The following EMC2 variants were observed in gnomAD, a reference collection of about 807,000 sequenced individuals.
EMC2 encodes TPR repeat protein 35.
Under a neutral mutation model 51.6 loss-of-function variants are expected in EMC2, and 37 were observed. The observed-to-expected ratio is 0.72, with a 90% CI of 0.55 to 0.94. The LOEUF is 0.94. Among genes scored for constraint, EMC2 ranks in the 40% least tolerant of loss-of-function variants. The probability of loss-of-function intolerance (pLI) is 0.00; values close to 1 mark genes in which losing one functional copy is unlikely to be tolerated. For missense variants in EMC2, 359 were observed against 350.9 expected (o/e 1.02, Z -0.18); for synonymous variants, 131 against 112.4 (o/e 1.17, Z -1.04).
intron 9 of EMC2, among the ~76,000 whole-genome samples, chr8:108,478,347 A>T (rs1372071962): frequency 6.6e-6 from 1 of 152,114 alleles, no homozygotes; most frequent in African/African-American, 2.4e-5. Flanking sequence ...TCATTTAAAT[A>T]CATTTTTAAA....
chr8:108,481,974 T>A (rs1281734536), intron 10 of EMC2, among the ~76,000 whole-genome samples: 9 of 152,232 alleles, frequency 5.9e-5, no homozygotes, highest in Admixed American at 5.2e-4. Context: ...TTGAATAAAC[T>A]ATACTGAATA....
At chr8:108,452,583 G>C (rs1427007717) in intron 3 of EMC2, among the ~76,000 whole-genome samples, 2 of 152,006 alleles carry the variant, frequency 1.3e-5, no homozygotes, top group Admixed American at 1.3e-4. Context: ...AAATAAGAAA[G>C]GTTGGCTGAT....
chr8:108,459,408 G>A (rs1326352047), intron 5 of EMC2, among the ~76,000 whole-genome samples: 1 of 152,126 alleles, frequency 6.6e-6, no homozygotes, highest in African/African-American at 2.4e-5. Context: ...AAAAGAATAA[G>A]GTGTATTGGA....
At chr8:108,473,937 G>A (rs916253434) in intron 7 of EMC2, 5 of 151,944 alleles carry the variant, frequency 3.3e-5, no homozygotes, top group Non-Finnish European at 7.4e-5. Context: ...AATAGTACTG[G>A]CTATGTATTA....
chr8:108,455,285 A>G (rs149049355), intron 4 of EMC2, among the ~76,000 whole-genome samples: 2 of 152,008 alleles, frequency 1.3e-5, no homozygotes, highest in South Asian at 4.2e-4. Flanking sequence ...GTTTGTATTG[A>G]TAATTCTTCA....
intron 3 of EMC2, among the ~76,000 whole-genome samples, chr8:108,452,746 G>A (rs1412299890): frequency 1.3e-5 from 2 of 152,120 alleles, no homozygotes; most frequent in African/African-American, 2.4e-5. Context: ...TTAAGTAGGG[G>A]CCTGACACAT....
At chr8:108,457,933 A>G (rs1329968852) in intron 5 of EMC2, among the ~76,000 whole-genome samples, 2 of 152,184 alleles carry the variant, frequency 1.3e-5, no homozygotes, top group African/African-American at 2.4e-5. Flanking sequence ...TCCACCTATG[A>G]TCCTGTAAAA....
intron 3 of EMC2, among the ~76,000 whole-genome samples, chr8:108,452,320 A>G (rs1195372000): frequency 6.6e-6 from 1 of 152,216 alleles, no homozygotes; most frequent in Non-Finnish European, 1.5e-5. Context: ...TAATCCCAGC[A>G]GTTTGGGAGG....
In EMC2 at chr8:108,453,043, T is replaced by A. The variant is rs773950045; in HGVS notation, c.220-19T>A. 6 of 1,492,396 alleles carry A rather than the reference T, an allele frequency of 4.0e-6. No homozygotes were observed. The African/African-American group carries it at 8.4e-5, about 21-fold the overall frequency. 92.4% of individuals were successfully genotyped at this position (1,492,396 alleles called of 1,614,324 possible). ...TTAGTATAAATAATGTAATTACTACTCAACCCTTATTTTTTCAGTTTTGTC... is the reference window on the plus strand; with the variant it reads ...TTAGTATAAATAATGTAATTACTACACAACCCTTATTTTTTCAGTTTTGTC... On this transcript the variant is annotated intron_variant, in intron 3 of 10. Coordinates refer to ENST00000220853, the MANE Select transcript of EMC2 (RefSeq NM_014673.5).
chr8:108,488,165 AC>A lies in EMC2; in HGVS notation c.*1568del, dbSNP rs1168676828. ...TCTTATAGCTGTCTGCCTTAGTTTCACTTTTTTTTTTTTTTTTTTGAGACAG... is the reference window on the plus strand; with the variant it reads ...TCTTATAGCTGTCTGCCTTAGTTTCATTTTTTTTTTTTTTTTTTGAGACAG... On this transcript the variant is annotated 3_prime_UTR_variant, in exon 11 of 11. Coordinates refer to ENST00000220853, the MANE Select transcript of EMC2 (RefSeq NM_014673.5). 3.7e-5 allele frequency among the ~76,000 whole-genome samples: 4 copies of A among 109,356 alleles called. No homozygotes were observed. Among genetic ancestry groups the A allele is most frequent in the African/African-American group, 1.4e-4 (4 of 28,074 alleles). 71.7% of individuals were successfully genotyped at this position (109,356 alleles called of 152,430 possible).
In EMC2 at chr8:108,475,924, T is replaced by G; in HGVS notation, c.552T>G (p.Thr184=). ...TTTGTTTAGAGGAACTAATGATGAC[T>G]AATCCACACAACCACTTATACTGTC... ...AAFCLEELMM[T]NPHNHLYCQQ... is the part of the protein sequence containing the mutation. Residue 184 remains threonine, a synonymous_variant, in exon 8 of 11, where the codon ACT becomes ACG. Coordinates refer to ENST00000220853, the MANE Select transcript of EMC2 (RefSeq NM_014673.5). The G allele has an allele frequency of 1.9e-6, 3 of 1,601,530 alleles. No individual in the cohort carries two copies. Among genetic ancestry groups the G allele is most frequent in the Non-Finnish European group, 2.6e-6 (3 of 1,173,136 alleles).
At chr8:108,481,419 C>T (rs901112558) in intron 10 of EMC2, among the ~76,000 whole-genome samples, 2 of 151,706 alleles carry the variant, frequency 1.3e-5, no homozygotes, top group African/African-American at 4.9e-5. Context: ...TGGAGTTCCA[C>T]ACAGAGTAGG....
rs1187060047 is a variant in EMC2 at position 108,487,238 on chromosome 8, C to T, written c.*640C>T. Among the ~76,000 whole-genome samples, 1 of 151,720 alleles carries T rather than the reference C, an allele frequency of 6.6e-6. No homozygotes were observed. The highest frequency in any genetic ancestry group is 2.4e-5 in the African/African-American group (1 of 41,284). ...ATTGAGATTTTTACATATAAAATGC[C>T]TTAAGATAAATATGTGTTACGACAC... is the stretch of plus-strand genomic sequence containing the variant. On this transcript the variant is annotated 3_prime_UTR_variant, in exon 11 of 11. Transcript: ENST00000220853.
At chr8:108,465,826 A>C (rs374149869) in intron 5 of EMC2, among the ~76,000 whole-genome samples, 1 of 152,150 alleles carries the variant, frequency 6.6e-6, no homozygotes, top group Non-Finnish European at 1.5e-5. Flanking sequence ...ATTTTTAAAA[A>C]ACATTTAAGT....
chr8:108,479,812 G>T, intron 10 of EMC2, among the ~76,000 whole-genome samples: 1 of 152,120 alleles, frequency 6.6e-6, no homozygotes, highest in East Asian at 1.9e-4. Flanking sequence ...GCCCAGGCTG[G>T]CCATGAACTC....
At position 108,458,790 on chromosome 8, in the gene EMC2, A is replaced by G. The variant is rs576191090; in HGVS notation, c.363+2860A>G. 3.3e-5 allele frequency among the ~76,000 whole-genome samples: 5 copies of G among 152,300 alleles called. No individual in the cohort carries two copies. In the East Asian group the frequency reaches 9.7e-4, roughly 29 times the overall value. On this transcript the variant is annotated intron_variant, in intron 5 of 10. Coordinates refer to ENST00000220853, the MANE Select transcript of EMC2 (RefSeq NM_014673.5). ...ATTTTCCCTTTTGTCTGTGGAATTA[A>G]CATTCAGCTCCTTGTTACTTATGCA...
intron 5 of EMC2, among the ~76,000 whole-genome samples, chr8:108,468,940 G>A (rs1192061017): frequency 6.6e-6 from 1 of 151,904 alleles, no homozygotes; most frequent in Admixed American, 6.6e-5. Flanking sequence ...TTCCTGTTTT[G>A]TTTTTTAATG....
In EMC2 at chr8:108,486,586, C is replaced by A. The variant is rs1471597256; in HGVS notation, c.882C>A (p.Ile294=). The A allele has an allele frequency of 6.3e-7, 1 of 1,597,690 alleles. No homozygotes were observed. The highest frequency in any genetic ancestry group is 8.5e-7 in the Non-Finnish European group (1 of 1,172,066). ...AAGACATGTTGGAAACATTGCAGAT[C>A]ACCCAGTCTTAAGGTTTCAAAAACT... is the stretch of plus-strand genomic sequence containing the variant. ...AVEDMLETLQ[I]TQS Residue 294 remains isoleucine, a synonymous_variant, in exon 11 of 11, where the codon ATC becomes ATA. Coordinates refer to ENST00000220853, the MANE Select transcript of EMC2 (RefSeq NM_014673.5).
At chr8:108,458,286 T>C (rs1819216877) in intron 5 of EMC2, among the ~76,000 whole-genome samples, 1 of 152,232 alleles carries the variant, frequency 6.6e-6, no homozygotes, top group Non-Finnish European at 1.5e-5. Context: ...TCTACCATTC[T>C]GGGGTCTGGA....
Sources: allele counts gnomAD v4.1 joint callset (sites outside exome capture counted in the v4.1 genomes callset), GRCh38; gene constraint gnomAD v4.1.1; transcripts MANE v1.5; gene names NCBI Gene and HGNC (gene_info 2026-07-23, HGNC 2026-07-21).